The following COL7A1 variants were observed in gnomAD, a reference collection of about 807,000 sequenced individuals.
COL7A1 encodes collagen alpha-1(VII) chain.
COL7A1 carries 296 observed loss-of-function variants against 456.2 expected under a neutral mutation model. That is an observed-to-expected ratio of 0.65 (90% CI 0.59 to 0.71). The LOEUF is 0.71. Among genes scored for constraint, COL7A1 ranks in the 30% least tolerant of loss-of-function variants. The pLI, the probability that COL7A1 is intolerant of heterozygous loss-of-function variation, is 0.00. For missense variants in COL7A1, 3,441 were observed against 4,017.2 expected, an observed-to-expected ratio of 0.86 and a Z score of 3.88; for synonymous variants, 1,464 against 1,525.9, an observed-to-expected ratio of 0.96 and a Z score of 0.95.
chr3:48,576,918 C>G lies in COL7A1; in HGVS notation c.5570G>C (p.Gly1857Ala). Residue 1857 changes from glycine to alanine, a missense_variant and splice_region_variant, in exon 67 of 119, where the codon GGA (glycine) becomes GCA (alanine). Physicochemically the swap from Gly to Ala is moderately conservative, Grantham distance 60. Transcript: ENST00000681320. ...PGDPGEDGRKGEKGDSGASGR... is the reference protein window; with the variant it reads ...PGDPGEDGRKAEKGDSGASGR... ...AGAGGCGCCTGAATCTCCTTTCTCT[C>G]CCTAAGGAAGACAAGGATGCTTCAG... 6.2e-7 allele frequency: 1 copy of G among 1,614,064 alleles called. No individual in the cohort carries two copies. The highest frequency in any genetic ancestry group is 8.5e-7 in the Non-Finnish European group (1 of 1,180,026).
chr3:48,570,266 C>T lies in COL7A1; in HGVS notation c.7440+9G>A. ...AAGGGAGTTCGGCTGTGGAGTAAGACATACGTACCCGGATGCCTGGCTCCC... is the reference window on the plus strand; with the variant it reads ...AAGGGAGTTCGGCTGTGGAGTAAGATATACGTACCCGGATGCCTGGCTCCC... On this transcript the variant is annotated intron_variant, in intron 98 of 118. Coordinates refer to ENST00000681320, the MANE Select transcript of COL7A1 (RefSeq NM_000094.4). This position sits in a 1 kb window ranked among gnomAD's most constrained non-coding sequence, Gnocchi z 5.5. The T allele has an allele frequency of 6.2e-7, 1 of 1,614,084 alleles. No individual in the cohort carries two copies. Among genetic ancestry groups the T allele is most frequent in the Non-Finnish European group, 8.5e-7 (1 of 1,179,990 alleles).
chr3:48,595,045 C>T, intron 2 of COL7A1, 30 bp downstream of exon 2: 2 of 1,531,922 alleles, frequency 1.3e-6, no homozygotes. Context: ...GTGCAGTGCC[C>T]CGGGCCGGGT....
rs1056895784 is a variant in COL7A1, at chr3:48,571,534, C to T, written c.7069-256G>A. ...ATGGCACAGGCACAGGGAGCCCACA[C>T]GCGAGTGCAGACATCTGGCTCCACA... On this transcript the variant is annotated intron_variant, in intron 92 of 118. Transcript: ENST00000681320. This position sits in a 1 kb window ranked among gnomAD's most constrained non-coding sequence, Gnocchi z 4.6. The T allele has an allele frequency of 1.0e-5, 7 of 700,412 alleles. No individual in the cohort carries two copies. Among genetic ancestry groups the T allele is most frequent in the South Asian group, 4.5e-5 (3 of 66,600 alleles). The allele number at this position is 700,412 out of a possible 1,614,324, so 43.4% of individuals were successfully genotyped here. A position where few individuals can be genotyped will look rare whatever the true frequency, so the allele number is the denominator to read the frequency against.
Position 48,564,390 on chromosome 3 carries a change from G to T in COL7A1, c.*16C>A. 1 of 1,614,064 alleles carries T rather than the reference G, an allele frequency of 6.2e-7. No homozygotes were observed. The highest frequency in any genetic ancestry group is 1.1e-5 in the South Asian group (1 of 91,068). Reference sequence around the variant, plus strand: ...CTCCTCCAGGGGATGCTGAATCTCAGCTCATTATCTGGGCCTCAGTCCTGG... The same window carrying T: ...CTCCTCCAGGGGATGCTGAATCTCATCTCATTATCTGGGCCTCAGTCCTGG... On this transcript the variant is annotated 3_prime_UTR_variant, in exon 119 of 119. Coordinates refer to ENST00000681320, the MANE Select transcript of COL7A1 (RefSeq NM_000094.4). This position sits in a 1 kb window ranked among gnomAD's most constrained non-coding sequence, Gnocchi z 6.0.
chr3:48,585,599 G>T lies in COL7A1; in HGVS notation c.3852C>A (p.Gly1284=). The T allele has an allele frequency of 6.2e-7, 1 of 1,614,008 alleles. No individual in the cohort carries two copies. Among genetic ancestry groups the T allele is most frequent in the Non-Finnish European group, 8.5e-7 (1 of 1,180,036 alleles). Residue 1284 remains glycine (G), a synonymous_variant, in exon 32 of 119, where the codon GGC becomes GGA. Coordinates refer to ENST00000681320, the MANE Select transcript of COL7A1 (RefSeq NM_000094.4). The surrounding 1 kb of genome is among the most constrained non-coding windows in gnomAD (Gnocchi z 4.5). ...PGLPGRTGAP[G]PQGPPGSATA... is the part of the protein sequence containing the mutation. ...TGGCACTTCCAGGGGGCCCCTGGGG[G>T]CCGGGAGCACCGGTCCTGCCCTGAA... is the stretch of plus-strand genomic sequence containing the variant.
At position 48,584,735 on chromosome 3, in the gene COL7A1, G is replaced by A. The variant is rs184756277; in HGVS notation, c.4046C>T (p.Pro1349Leu). The change falls in exon 35 of 119, where the codon CCG becomes CTG. Residue 1349 changes from proline (P) to leucine (L), a missense_variant and splice_region_variant. Transcript: ENST00000681320. Reference sequence around the variant, plus strand: ...CGCCTCCCTTCCCCCTTCACCTACCGGCTCCCCCTTTGGGCCTCGAGGTCC... The same window carrying A: ...CGCCTCCCTTCCCCCTTCACCTACCAGCTCCCCCTTTGGGCCTCGAGGTCC... ...ERGPRGPKGE[P>L]GAPGQVIGGE... The A allele has an allele frequency of 2.4e-4, 383 of 1,613,918 alleles. No homozygotes were observed. Among genetic ancestry groups the A allele is most frequent in the Non-Finnish European group, 1.2e-4 (140 of 1,180,004 alleles).
chr3:48,580,802 C>T lies in COL7A1; in HGVS notation c.4980+80G>A, dbSNP rs1366299093. The T allele has an allele frequency of 1.3e-6, 2 of 1,593,768 alleles. No homozygotes were observed. The highest frequency in any genetic ancestry group is 2.2e-5 in the East Asian group (1 of 44,778). Reference sequence around the variant, plus strand: ...GCCTCCCTGCAGGGACTCCCATCACCCCTTACCCCCCTCAGCCTTTCCTAT... The same window carrying T: ...GCCTCCCTGCAGGGACTCCCATCACTCCTTACCCCCCTCAGCCTTTCCTAT... On this transcript the variant is annotated intron_variant, in intron 54 of 118. Coordinates refer to ENST00000681320, the MANE Select transcript of COL7A1 (RefSeq NM_000094.4). This position sits in a 1 kb window ranked among gnomAD's most constrained non-coding sequence, Gnocchi z 4.5.
At position 48,572,573 on chromosome 3, in the gene COL7A1, C is replaced by T. The variant is rs770851775; in HGVS notation, c.6901-35G>A. ...ATGCTAGTGAGTTTCCTCCTCCTCC[C>T]CCGCCCCCACCCTGCCACCCCCATG... is the stretch of plus-strand genomic sequence containing the variant. On this transcript the variant is annotated intron_variant, in intron 88 of 118. Coordinates refer to ENST00000681320, the MANE Select transcript of COL7A1 (RefSeq NM_000094.4). This position sits in a 1 kb window ranked among gnomAD's most constrained non-coding sequence, Gnocchi z 4.6. 3 of 1,611,570 alleles carry T rather than the reference C, an allele frequency of 1.9e-6. No individual in the cohort carries two copies. Among genetic ancestry groups the T allele is most frequent in the African/African-American group, 1.3e-5 (1 of 74,782 alleles).
Position 48,592,252 on chromosome 3 carries a change from C to T in COL7A1, c.1094-4G>A, listed in dbSNP as rs1406158368. 1.1e-5 allele frequency: 17 copies of T among 1,613,906 alleles called. No individual in the cohort carries two copies. Among genetic ancestry groups the T allele is most frequent in the Admixed American group, 1.7e-5 (1 of 60,012 alleles). On this transcript the variant is annotated splice_region_variant and splice_polypyrimidine_tract_variant and intron_variant, in intron 9 of 118. Transcript: ENST00000681320. The surrounding 1 kb of genome is among the most constrained non-coding windows in gnomAD (Gnocchi z 7.6). ...TCCTGCTGCTGTGTGGGCCCACCTGCATGGGGGACACCAAGGGGCCAGTGG... is the reference window on the plus strand; with the variant it reads ...TCCTGCTGCTGTGTGGGCCCACCTGTATGGGGGACACCAAGGGGCCAGTGG...
chr3:48,587,274 C>G lies in COL7A1; in HGVS notation c.3055G>C (p.Glu1019Gln). ...ISSSQRVTGL[E>Q]PGVSYIFSLT... is the part of the protein sequence containing the mutation. The stretch of plus-strand genomic sequence containing the variant: ...GAGAAGATGTAAGAGACGCCAGGCT[C>G]TAGCCCTGTCACCCGCTGGGAGCTT... The change falls in exon 24 of 119, where the codon GAG becomes CAG. Residue 1019 changes from glutamate (E) to glutamine (Q), a missense_variant. Physicochemically the swap from Glu to Gln is conservative, Grantham distance 29 (BLOSUM62 2). This residue lies in a region of COL7A1 where 444 missense variants were observed against 427.6 expected (regional missense o/e 1.04). Transcript: ENST00000681320. This position sits in a 1 kb window ranked among gnomAD's most constrained non-coding sequence, Gnocchi z 6.1. 6.2e-7 allele frequency: 1 copy of G among 1,610,536 alleles called. No homozygotes were observed. Among genetic ancestry groups the G allele is most frequent in the Non-Finnish European group, 8.5e-7 (1 of 1,178,372 alleles).
rs1422173512 is a variant in COL7A1 at position 48,579,284 on chromosome 3, A to C, written c.5308-7T>G. 1 of 1,613,956 alleles carries C rather than the reference A, an allele frequency of 6.2e-7. No individual in the cohort carries two copies. Among genetic ancestry groups the C allele is most frequent in the East Asian group, 2.2e-5 (1 of 44,886 alleles). ...CAGGGGGACCCCGGTCACCCTGTGG[A>C]AAATAGAGTGGTAAGAGGCCACCAA... On this transcript the variant is annotated splice_polypyrimidine_tract_variant and splice_region_variant and intron_variant, in intron 61 of 118. Coordinates refer to ENST00000681320, the MANE Select transcript of COL7A1 (RefSeq NM_000094.4). The surrounding 1 kb of genome is among the most constrained non-coding windows in gnomAD (Gnocchi z 4.4).
chr3:48,594,502 A>G lies in COL7A1; in HGVS notation c.132T>C (p.Asp44=). 6.2e-7 allele frequency: 1 copy of G among 1,612,054 alleles called. No individual in the cohort carries two copies. Among genetic ancestry groups the G allele is most frequent in the Non-Finnish European group, 8.5e-7 (1 of 1,179,944 alleles). ...TGCTGCGGCCAATGGATGAGGAGCCATCCAGTAAGAACACAATGTCAGCGG... is the reference window on the plus strand; with the variant it reads ...TGCTGCGGCCAATGGATGAGGAGCCGTCCAGTAAGAACACAATGTCAGCGG... ...LYAADIVFLL[D]GSSSIGRSNF... is the part of the protein sequence containing the mutation. The change falls in exon 3 of 119, where the codon GAT becomes GAC. Residue 44 remains aspartate (D), a synonymous_variant. Transcript: ENST00000681320. The surrounding 1 kb of genome is among the most constrained non-coding windows in gnomAD (Gnocchi z 5.5).
chr3:48,574,016 A>G lies in COL7A1; in HGVS notation c.6502-126T>C. 1.6e-6 allele frequency: 2 copies of G among 1,269,796 alleles called. No homozygotes were observed. The highest frequency in any genetic ancestry group is 2.2e-6 in the Non-Finnish European group (2 of 895,792). The allele number at this position is 1,269,796 out of a possible 1,614,324, so 78.7% of individuals were successfully genotyped here. A position where few individuals can be genotyped will look rare whatever the true frequency, so the allele number is the denominator to read the frequency against. On this transcript the variant is annotated intron_variant, in intron 80 of 118. Transcript: ENST00000681320. The surrounding 1 kb of genome is among the most constrained non-coding windows in gnomAD (Gnocchi z 5.0). ...CCCTTTCCAGTCACAGATAATACCT[A>G]CCCATGGACTGCCTCTCATAGATAG...
In COL7A1 at chr3:48,567,231, T is replaced by G. The variant is rs373249097; in HGVS notation, c.8047-41A>C. ...GCATGAGAGACCTTCTGCCCTGACCTCCCTCAGCTCTGGAACCTCCCTGAA... is the reference window on the plus strand; with the variant it reads ...GCATGAGAGACCTTCTGCCCTGACCGCCCTCAGCTCTGGAACCTCCCTGAA... On this transcript the variant is annotated intron_variant, in intron 109 of 118. Coordinates refer to ENST00000681320, the MANE Select transcript of COL7A1 (RefSeq NM_000094.4). This position sits in a 1 kb window ranked among gnomAD's most constrained non-coding sequence, Gnocchi z 4.3. 399 of 1,610,158 alleles carry G rather than the reference T, an allele frequency of 2.5e-4. No homozygotes were observed. The highest frequency in any genetic ancestry group is 3.0e-4 in the Non-Finnish European group (350 of 1,178,094).
At position 48,589,355 on chromosome 3, in the gene COL7A1, C is replaced by A; in HGVS notation, c.2286G>T (p.Gly762=). Residue 762 remains glycine (G), a synonymous_variant, in exon 18 of 119, where the codon GGG becomes GGT. Coordinates refer to ENST00000681320, the MANE Select transcript of COL7A1 (RefSeq NM_000094.4). ...TCCTCACAACCACAGAGGCAGGGGG[C>A]CCATCCACGCCAGCCACATGGGCCC... ...HVRAHVAGVD[G]PPASVVVRTA... 1 of 1,607,992 alleles carries A rather than the reference C, an allele frequency of 6.2e-7. No individual in the cohort carries two copies.
chr3:48,575,026 C>T lies in COL7A1; in HGVS notation c.6279+38G>A. The T allele has an allele frequency of 1.2e-6, 2 of 1,600,392 alleles. No individual in the cohort carries two copies. Among genetic ancestry groups the T allele is most frequent in the South Asian group, 1.1e-5 (1 of 90,792 alleles). On this transcript the variant is annotated intron_variant, in intron 76 of 118. Transcript: ENST00000681320. The surrounding 1 kb of genome is among the most constrained non-coding windows in gnomAD (Gnocchi z 6.3). ...ACCAAGCTAAGGGTGGCTTCCTGGTCACTAGTCACAGGACTAAGGCAGGGA... is the reference window on the plus strand; with the variant it reads ...ACCAAGCTAAGGGTGGCTTCCTGGTTACTAGTCACAGGACTAAGGCAGGGA...
In COL7A1 at chr3:48,573,342, G is replaced by A. The variant is rs373580663; in HGVS notation, c.6625C>T (p.Pro2209Ser). 33 of 1,613,874 alleles carry A rather than the reference G, an allele frequency of 2.0e-5. No individual in the cohort carries two copies. In the African/African-American group the frequency reaches 3.9e-4, roughly 19 times the overall value. The part of the protein sequence containing the change: ...PQGPSGLKGE[P>S]GETGPPGRGL... ...CGTCCTGGAGGTCCTGTCTCTCCAG[G>A]CTCCCCCTGCAAACAACCCAGAGAC... The change falls in exon 84 of 119, where the codon CCT becomes TCT. Residue 2209 changes from proline (P) to serine (S), a missense_variant. Coordinates refer to ENST00000681320, the MANE Select transcript of COL7A1 (RefSeq NM_000094.4). This position sits in a 1 kb window ranked among gnomAD's most constrained non-coding sequence, Gnocchi z 5.5.
rs372590718 is a variant in COL7A1, at chr3:48,571,219, A to G, written c.7104+24T>C. 2.8e-5 allele frequency: 45 copies of G among 1,614,022 alleles called. No homozygotes were observed. The highest frequency in any genetic ancestry group is 3.5e-5 in the Non-Finnish European group (41 of 1,180,036). ...GGAGTCTCACGACCAGGACCCCAGCAGGGACCCTTCTGGGTACACATACCT... is the reference window on the plus strand; with the variant it reads ...GGAGTCTCACGACCAGGACCCCAGCGGGGACCCTTCTGGGTACACATACCT... On this transcript the variant is annotated intron_variant, in intron 93 of 118. Transcript: ENST00000681320. This position sits in a 1 kb window ranked among gnomAD's most constrained non-coding sequence, Gnocchi z 4.6.
rs781705982 is a variant in COL7A1, at chr3:48,581,301, G to A, written c.4858C>T (p.Arg1620Trp). 26 of 1,613,374 alleles carry A rather than the reference G, an allele frequency of 1.6e-5. No homozygotes were observed. Among genetic ancestry groups the A allele is most frequent in the East Asian group, 4.5e-5 (2 of 44,886 alleles). ...CCAACAGGTCCTGGGGGGCCAGGCC[G>A]CCCAGGGTCTCCCTTCTCTCCAGGA... ...GPPGEKGDPGRPGPPGPVGPR... is the reference protein window; with the variant it reads ...GPPGEKGDPGWPGPPGPVGPR... The change falls in exon 52 of 119, where the codon CGG (arginine) becomes TGG (tryptophan). Residue 1620 changes from arginine (R) to tryptophan (W), a missense_variant. This residue lies in a region of COL7A1 where 2,084 missense variants were observed against 2,501.3 expected (regional missense o/e 0.83). Coordinates refer to ENST00000681320, the MANE Select transcript of COL7A1 (RefSeq NM_000094.4). The surrounding 1 kb of genome is among the most constrained non-coding windows in gnomAD (Gnocchi z 5.8).
Sources: allele counts gnomAD v4.1 joint callset, GRCh38; gene constraint gnomAD v4.1.1; regional missense constraint gnomAD v4.1.1; non-coding constraint Gnocchi (gnomAD v3.1); transcripts MANE v1.5; gene names NCBI Gene and HGNC (gene_info 2026-07-23, HGNC 2026-07-21).